PSMD4: variants seen among roughly 807,000 people sequenced by gnomAD.
PSMD4 encodes the protein 26S proteasome non-ATPase regulatory subunit 4.
PSMD4 carries 5 observed loss-of-function variants against 39.7 expected under a neutral mutation model. The observed-to-expected ratio is 0.13, with a 90% CI of 0.07 to 0.26. The LOEUF is 0.26. Ranked by LOEUF, PSMD4 falls within the 10% of genes least tolerant of loss-of-function variation. The probability of loss-of-function intolerance (pLI) is 1.00; values close to 1 mark genes in which losing one functional copy is unlikely to be tolerated. For missense variants in PSMD4, 272 were observed against 486.1 expected, an observed-to-expected ratio of 0.56 and a Z score of 4.14; for synonymous variants, 143 against 174.6, an observed-to-expected ratio of 0.82 and a Z score of 1.43.
At chr1:151,260,624 C>G (rs1693294317) in intron 1 of PSMD4, among the ~76,000 whole-genome samples, 1 of 152,094 alleles carries the variant, frequency 6.6e-6, no homozygotes, top group Admixed American at 6.6e-5. Flanking sequence ...CAGCCTCCAC[C>G]TCTCAGGTTC....
At position 151,266,087 on chromosome 1, in the gene PSMD4, C is replaced by G; in HGVS notation, c.738C>G (p.Ala246=). Residue 246 remains alanine, a synonymous_variant, in exon 7 of 10, where the codon GCC becomes GCG. Coordinates refer to ENST00000368884, the MANE Select transcript of PSMD4 (RefSeq NM_002810.4). The part of the protein sequence containing the change: ...RRAAAASAAE[A]GIATTGTEDS... ...CAGCTGCAGCTTCTGCTGCTGAGGC[C>G]GGGATTGCTACGACTGGGACTGAAG... 6.2e-7 allele frequency: 1 copy of G among 1,606,990 alleles called. No homozygotes were observed. Among genetic ancestry groups the G allele is most frequent in the South Asian group, 1.1e-5 (1 of 89,946 alleles).
At chr1:151,260,193 C>CT (rs1364252136) in intron 1 of PSMD4, among the ~76,000 whole-genome samples, 1 of 150,326 alleles carries the variant, frequency 6.7e-6, no homozygotes, top group Non-Finnish European at 1.5e-5. Context: ...GAGCGAAACT[C>CT]TGTCTCAAAA....
rs1026660790 is a variant in PSMD4 at position 151,266,649 on chromosome 1, G to A, written c.963+62G>A. 2.6e-6 allele frequency: 4 copies of A among 1,560,034 alleles called. No homozygotes were observed. In the South Asian group the frequency reaches 4.6e-5, roughly 18 times the overall value. On this transcript the variant is annotated intron_variant, in intron 9 of 9. Transcript: ENST00000368884. Reference sequence around the variant, plus strand: ...CTTGAATTTAGATCCTCATCCCTCTGGGGCTGGGAGTATTTCTACCATAGC... The same window carrying A: ...CTTGAATTTAGATCCTCATCCCTCTAGGGCTGGGAGTATTTCTACCATAGC...
chr1:151,256,353 A>AAT (rs1693166376), intron 1 of PSMD4, among the ~76,000 whole-genome samples: 1 of 116,426 alleles, frequency 8.6e-6, no homozygotes, highest in African/African-American at 2.9e-5. Flanking sequence ...CAAAAAAAAA[A>AAT]AAATAATAAT....
At chr1:151,260,088 A>G (rs1280572748) in intron 1 of PSMD4, among the ~76,000 whole-genome samples, 2 of 152,000 alleles carry the variant, frequency 1.3e-5, no homozygotes, top group East Asian at 3.9e-4. Context: ...TATCCCAGCT[A>G]CTTAGGAGGC....
chr1:151,263,363 C>T (rs1362386760), intron 2 of PSMD4, among the ~76,000 whole-genome samples: 1 of 138,514 alleles, frequency 7.2e-6, no homozygotes, highest in Non-Finnish European at 1.6e-5. Context: ...ACTCAGGAGG[C>T]TGATGCACGA....
Position 151,267,279 on chromosome 1 carries a change from G to A in PSMD4, c.1070G>A (p.Gly357Asp). Residue 357 changes from glycine (G) to aspartate (D), a missense_variant, in exon 10 of 10, where the codon GGC (glycine) becomes GAC (aspartate). This residue lies in a region of PSMD4 where 113 missense variants were observed against 184.6 expected (regional missense o/e 0.61). Transcript: ENST00000368884. ...AATGAAGCCATTCGAAATGCTATGG[G>A]CTCCCTGGCCTCCCAGGCCACCAAG... ...PNNEAIRNAM[G>D]SLASQATKDG... 4 of 1,613,922 alleles carry A rather than the reference G, an allele frequency of 2.5e-6. No individual in the cohort carries two copies. Among genetic ancestry groups the A allele is most frequent in the Non-Finnish European group, 3.4e-6 (4 of 1,179,856 alleles).
At chr1:151,263,586 T>C (rs1030531318) in intron 2 of PSMD4, among the ~76,000 whole-genome samples, 12 of 152,084 alleles carry the variant, frequency 7.9e-5, no homozygotes, top group Admixed American at 6.6e-4. Context: ...CCCAGCACTT[T>C]GGAAGGCCAA....
chr1:151,267,150 G>C, intron 9 of PSMD4, 23 bp from the exon 10 acceptor site: 1 of 1,613,738 alleles, frequency 6.2e-7, no homozygotes, highest in Non-Finnish European at 8.5e-7. Flanking sequence ...ACCCTCCCTT[G>C]AGCTCACACT....
chr1:151,259,217 G>GGGAAT (rs1463013388), intron 1 of PSMD4: 2 of 152,170 alleles, frequency 1.3e-5, no homozygotes, highest in East Asian at 3.9e-4. Flanking sequence ...TACTACCCTA[G>GGGAAT]ACAGGTTGAG....
At chr1:151,265,950 C>T in intron 6 of PSMD4, 54 bp from the exon 7 acceptor site, 7 of 1,514,134 alleles carry the variant, frequency 4.6e-6, no homozygotes, top group Non-Finnish European at 8.8e-7. Context: ...ACTTTCCCAG[C>T]TCCCTGTAGG....
At chr1:151,263,556 C>T (rs1044634100) in intron 2 of PSMD4, among the ~76,000 whole-genome samples, 6 of 151,992 alleles carry the variant, frequency 3.9e-5, no homozygotes, top group Non-Finnish European at 7.4e-5. Flanking sequence ...AGGCCAGGTG[C>T]GGTGGCTCAC....
rs930825880 is a variant in PSMD4 at position 151,267,188 on chromosome 1, G to A, written c.979G>A (p.Asp327Asn). 3 of 1,613,774 alleles carry A rather than the reference G, an allele frequency of 1.9e-6. No homozygotes were observed. Among genetic ancestry groups the A allele is most frequent in the East Asian group, 2.2e-5 (1 of 44,890 alleles). Residue 327 changes from aspartate to asparagine, a missense_variant, in exon 10 of 10, where the codon GAC (aspartate) becomes AAC (asparagine). Physicochemically the swap from Asp to Asn is conservative, Grantham distance 23. Coordinates refer to ENST00000368884, the MANE Select transcript of PSMD4 (RefSeq NM_002810.4). The part of the protein sequence containing the change: ...SEPAKEEDDY[D>N]VMQDPEFLQS... ...CTGTTTGCAGGAGGAGGATGATTAC[G>A]ACGTGATGCAGGACCCCGAGTTCCT...
rs1693340145 is a variant in PSMD4 at position 151,262,591 on chromosome 1, TGGG to T, written c.167+291_167+293del. 1.1e-5 allele frequency: 4 copies of T among 355,912 alleles called. No individual in the cohort carries two copies. The East Asian group carries it at 1.9e-4, about 17-fold the overall frequency. 22.0% of individuals were successfully genotyped at this position (355,912 alleles called of 1,614,324 possible). On this transcript the variant is annotated intron_variant, in intron 2 of 9. Transcript: ENST00000368884. ...TTTTAAAGTCAGTGAAAAGTGATTT[TGGG>T]CTGGGCACAGTGGCTCATGTCTGTA...
At chr1:151,264,099 C>G in intron 3 of PSMD4, 71 bp downstream of exon 3, 1 of 1,182,908 alleles carries the variant, frequency 8.5e-7, no homozygotes, top group South Asian at 1.4e-5. Flanking sequence ...ACTCATTTCT[C>G]CCCTGGAATC....
chr1:151,261,863 G>A (rs997610281), intron 1 of PSMD4, among the ~76,000 whole-genome samples: 5 of 150,850 alleles, frequency 3.3e-5, no homozygotes, highest in African/African-American at 1.2e-4. Context: ...GCTGAGGTGA[G>A]AGGATCACTT....
At chr1:151,258,270 C>A (rs1693225348) in intron 1 of PSMD4, among the ~76,000 whole-genome samples, 1 of 151,588 alleles carries the variant, frequency 6.6e-6, no homozygotes, top group Admixed American at 6.6e-5. Context: ...TCAGGTGATC[C>A]ACCAGCCTCA....
chr1:151,266,130 C>T lies in PSMD4; in HGVS notation c.763+18C>T, dbSNP rs751580787. 1.8e-5 allele frequency: 28 copies of T among 1,599,270 alleles called. No individual in the cohort carries two copies. The Admixed American group carries it at 2.6e-4, about 15-fold the overall frequency. On this transcript the variant is annotated intron_variant, in intron 7 of 9. Transcript: ENST00000368884. ...GACTGAAGGTGAAAGAGGTGGAATC[C>T]GAAGTCCTGGGACTGCGGGATGCTA...
intron 9 of PSMD4, 153 bp downstream of exon 9, chr1:151,266,740 G>A: frequency 1.9e-5 from 18 of 970,444 alleles, no homozygotes; most frequent in Non-Finnish European, 2.9e-5. Context: ...CCTTGCTAAG[G>A]TAGCAATGCT....
Sources: gnomAD v4.1 joint callset for allele counts (sites outside exome capture counted in the v4.1 genomes callset) on GRCh38, gnomAD v4.1.1 for gene constraint, gnomAD v4.1.1 regional missense constraint, MANE v1.5 for transcripts, NCBI Gene and HGNC (gene_info 2026-07-23, HGNC 2026-07-21) for gene names.